Variants in C3orf49 observed in about 807,000 individuals in gnomAD.
C3orf49 encodes the protein chromosome 3 open reading frame 49, also known as putative uncharacterized protein C3orf49.
Under a neutral mutation model 13.3 loss-of-function variants are expected in C3orf49, and 27 were observed. The ratio of observed to expected loss-of-function variants is 2.02; its 90% CI spans 1.49 to 2.79. C3orf49 has a LOEUF of 2.79. C3orf49 is among the 30% of genes most tolerant of loss of function. The pLI is 0.00. For missense variants in C3orf49, 242 were observed against 134.2 expected (o/e 1.80, Z -3.97); for synonymous variants, 87 against 47.6 (o/e 1.83, Z -3.40).
At chr3:63,818,085 T>C (rs538486726), upstream of C3orf49, among the ~76,000 whole-genome samples, 130 of 152,284 alleles carry the variant, frequency 8.5e-4, 1 homozygote, top group African/African-American at 3.1e-3. Context: ...TATGCTCTAC[T>C]TCAGCGTTTC....
At chr3:63,796,202 A>C in the C3orf49 span, among the ~76,000 whole-genome samples, 2 of 152,110 alleles carry the variant, frequency 1.3e-5, no homozygotes, top group Non-Finnish European at 2.9e-5. Context: ...CATCACCCCA[A>C]CTGCCCCCAT....
At chr3:63,801,008 A>G in the C3orf49 span, among the ~76,000 whole-genome samples, 6 of 152,148 alleles carry the variant, frequency 3.9e-5, no homozygotes, top group African/African-American at 1.4e-4. Flanking sequence ...GCACTCTGGC[A>G]CCAAGCTCGC....
intron 5 of C3orf49, among the ~76,000 whole-genome samples, chr3:63,843,111 T>A (rs930448396): frequency 4.1e-5 from 6 of 148,022 alleles, no homozygotes; most frequent in African/African-American, 1.3e-4. Flanking sequence ...ACCGTATGTA[T>A]ATTTGTTTGT....
upstream of C3orf49, among the ~76,000 whole-genome samples, chr3:63,816,769 C>T (rs112335892): frequency 0.028 from 2,709 of 97,338 alleles, 159 homozygotes; most frequent in African/African-American, 0.088. Flanking sequence ...CTTTTCTTTT[C>T]TTTTTTTTTT....
intron 1 of C3orf49, among the ~76,000 whole-genome samples, chr3:63,822,253 G>T (rs369353541): frequency 1.3e-5 from 2 of 152,150 alleles, no homozygotes; most frequent in East Asian, 3.9e-4. Context: ...GGGATTACAG[G>T]CGTAAGCCAC....
the C3orf49 span, among the ~76,000 whole-genome samples, chr3:63,789,911 T>C: frequency 1.3e-5 from 2 of 151,032 alleles, no homozygotes; most frequent in Non-Finnish European, 3.0e-5. Context: ...TTTCCTTTCC[T>C]CCACAGTATA....
chr3:63,841,393 T>A (rs937981115), intron 5 of C3orf49, among the ~76,000 whole-genome samples: 1 of 152,198 alleles, frequency 6.6e-6, no homozygotes, highest in African/African-American at 2.4e-5. Context: ...TTTTTTATAG[T>A]ACGCAGTAAT....
At chr3:63,817,413 C>CTGGTGTCTAGGG (rs150270761), upstream of C3orf49, among the ~76,000 whole-genome samples, 1 of 151,982 alleles carries the variant, frequency 6.6e-6, no homozygotes, top group Non-Finnish European at 1.5e-5. Context: ...TGCAGTATCC[C>CTGGTGTCTAGGG]TGGTGTCTAG....
In C3orf49 at chr3:63,827,666, C is replaced by T. The variant is rs1240176586; in HGVS notation, c.511C>T (p.Arg171Trp). The T allele has an allele frequency of 1.3e-5, 9 of 703,080 alleles. No homozygotes were observed. The highest frequency in any genetic ancestry group is 4.4e-5 in the South Asian group (3 of 67,600). 43.6% of individuals were successfully genotyped at this position (703,080 alleles called of 1,614,324 possible). ...GATAACCCAGGGAAACACACTCCTT[C>T]GGGCCAGGAGAACCACCAAGCGGTT... ...EEITQGNTLLRARRTTKRLSV... is the reference protein window; with the variant it reads ...EEITQGNTLLWARRTTKRLSV... Residue 171 changes from arginine to tryptophan, a missense_variant, in exon 3 of 7, where the codon CGG (arginine) becomes TGG (tryptophan). By Grantham distance (101) the Arg-to-Trp change is moderately radical. Transcript: ENST00000295896.
At chr3:63,831,932 C>T (rs768148741) in intron 5 of C3orf49, 88 bp downstream of exon 5, 32 of 616,094 alleles carry the variant, frequency 5.2e-5, no homozygotes, top group Non-Finnish European at 7.8e-5. Context: ...TGGTGGCTCA[C>T]GCCTGTAATC....
At chr3:63,842,616 T>C (rs1490574266) in intron 5 of C3orf49, among the ~76,000 whole-genome samples, 5 of 152,078 alleles carry the variant, frequency 3.3e-5, no homozygotes, top group African/African-American at 1.2e-4. Context: ...TCAAATACCA[T>C]ATGTTCTCAC....
At chr3:63,834,351 G>A (rs1701583734) in intron 5 of C3orf49, 1 of 731,698 alleles carries the variant, frequency 1.4e-6, no homozygotes, top group Non-Finnish European at 2.1e-6. Flanking sequence ...TTATGTGATA[G>A]ACTTCACTTA....
chr3:63,838,484 T>C, intron 5 of C3orf49: 2 of 1,607,020 alleles, frequency 1.2e-6, no homozygotes, highest in South Asian at 1.1e-5. Context: ...TCAGCATACG[T>C]TGGTACTGGC....
At chr3:63,825,562 T>C (rs988447016) in intron 2 of C3orf49, among the ~76,000 whole-genome samples, 1 of 152,214 alleles carries the variant, frequency 6.6e-6, no homozygotes, top group African/African-American at 2.4e-5. Flanking sequence ...GGTTTATTTT[T>C]ATCTTAGTTG....
the C3orf49 span, among the ~76,000 whole-genome samples, chr3:63,805,390 TAAAG>T: frequency 3.9e-4 from 60 of 152,344 alleles, no homozygotes; most frequent in Middle Eastern, 3.4e-3. Flanking sequence ...TTAAATGTCT[TAAAG>T]ATCAGTTGAG....
At chr3:63,804,576 T>C in the C3orf49 span, among the ~76,000 whole-genome samples, 5 of 152,314 alleles carry the variant, frequency 3.3e-5, no homozygotes, top group African/African-American at 1.2e-4. Flanking sequence ...TTGCTTTTCA[T>C]GTAGCTCTTC....
chr3:63,823,062 TTGG>T (rs1701419213), intron 1 of C3orf49, among the ~76,000 whole-genome samples, 185 bp from the exon 2 acceptor site: 1 of 152,322 alleles, frequency 6.6e-6, no homozygotes, highest in East Asian at 1.9e-4. Context: ...TTACTATAAT[TTGG>T]TAACAAAACA....
chr3:63,846,250 G>A (rs1364679778), intron 6 of C3orf49: 4 of 446,792 alleles, frequency 9.0e-6, no homozygotes, highest in South Asian at 1.6e-5. Context: ...TTCCTTATAA[G>A]AGAATCGTCT....
chr3:63,801,684 C>T, the C3orf49 span, among the ~76,000 whole-genome samples: 1 of 152,190 alleles, frequency 6.6e-6, no homozygotes, highest in Non-Finnish European at 1.5e-5. Context: ...TGCCCAGCGT[C>T]AGCCATTTAT....
Sources: gnomAD v4.1 joint callset for allele counts (sites outside exome capture counted in the v4.1 genomes callset) on GRCh38, gnomAD v4.1.1 for gene constraint, MANE v1.5 for transcripts, NCBI Gene and HGNC (gene_info 2026-07-23, HGNC 2026-07-21) for gene names.